Variants in SDC3 observed in about 807,000 individuals in gnomAD.
SDC3 encodes syndecan-3.
In SDC3, 13 loss-of-function variants were observed where a neutral mutation model predicts 24.4. The observed-to-expected ratio is 0.53, with a 90% CI of 0.35 to 0.85. The LOEUF (loss-of-function observed/expected upper bound fraction) is 0.85, where lower values mean the gene tolerates loss of function less well. SDC3 is among the 40% of genes least tolerant of loss of function. The pLI is 0.01. For missense variants in SDC3, 571 were observed against 584.5 expected (o/e 0.98, Z 0.24); for synonymous variants, 295 against 260.9 (o/e 1.13, Z -1.26).
intron 1 of SDC3, among the ~76,000 whole-genome samples, chr1:30,892,976 C>T (rs572985309): frequency 8.4e-4 from 128 of 152,294 alleles, no homozygotes; most frequent in African/African-American, 3.0e-3. Context: ...GTCACAGCAG[C>T]GTGGCCCCCT....
Position 30,869,562 on chromosome 1 carries a change from C to T in SDC3, c.*3649G>A, listed in dbSNP as rs200173223. 6.5e-6 allele frequency: 2 copies of T among 309,664 alleles called. No individual in the cohort carries two copies. Among genetic ancestry groups the T allele is most frequent in the Admixed American group, 5.6e-5 (1 of 17,782 alleles). 19.2% of individuals were successfully genotyped at this position (309,664 alleles called of 1,614,324 possible). ...AAAAAAAAAAAAAAAAAAAAAAAAA[C>T]AAAAACAAAACCAGTTCCTTCACAA... On this transcript the variant is annotated 3_prime_UTR_variant, in exon 5 of 5. Coordinates refer to ENST00000339394, the MANE Select transcript of SDC3 (RefSeq NM_014654.4).
chr1:30,876,199 C>A (rs887728180), intron 3 of SDC3, among the ~76,000 whole-genome samples: 2 of 152,162 alleles, frequency 1.3e-5, no homozygotes, highest in Admixed American at 6.5e-5. Context: ...GCCTGAGGTC[C>A]CGTGACTAGG....
chr1:30,869,650 T>C lies in SDC3; in HGVS notation c.*3561A>G. 1 of 398,460 alleles carries C rather than the reference T, an allele frequency of 2.5e-6. No individual in the cohort carries two copies. The highest frequency in any genetic ancestry group is 4.4e-6 in the Non-Finnish European group (1 of 226,048). The allele number at this position is 398,460 out of a possible 1,614,324, so 24.7% of individuals were successfully genotyped here. A position where few individuals can be genotyped will look rare whatever the true frequency, so the allele number is the denominator to read the frequency against. On this transcript the variant is annotated 3_prime_UTR_variant, in exon 5 of 5. Coordinates refer to ENST00000339394, the MANE Select transcript of SDC3 (RefSeq NM_014654.4). ...CTTGGTCTCTTTTTTCCACTGTCTT[T>C]TTCTTTTGTTTTTCTTATTTAAGGT...
intron 1 of SDC3, among the ~76,000 whole-genome samples, chr1:30,906,092 G>T (rs1459222701): frequency 6.6e-6 from 1 of 152,044 alleles, no homozygotes; most frequent in Non-Finnish European, 1.5e-5. Flanking sequence ...TCCCTGGCTG[G>T]GGCTCTTCTG....
Position 30,877,159 on chromosome 1 carries a change from T to C in SDC3, c.263A>G (p.Glu88Gly). ...LYSGSGSGYF[E>G]QESGIETAMR... ...GGCTGTCTCAATGCCCGACTCCTGC[T>C]CGAAGTCTGAGGGGGTGGGGGAGAG... Residue 88 changes from glutamate to glycine, a missense_variant, in exon 3 of 5, where the codon GAG (glutamate) becomes GGG (glycine). Around this residue, in one of 2 missense-constraint regions of SDC3, gnomAD observed 497 missense variants for 471.6 expected, o/e 1.05. Transcript: ENST00000339394. The C allele has an allele frequency of 6.2e-7, 1 of 1,613,484 alleles. No individual in the cohort carries two copies. The highest frequency in any genetic ancestry group is 8.5e-7 in the Non-Finnish European group (1 of 1,179,894).
chr1:30,870,708 C>T lies in SDC3; in HGVS notation c.*2503G>A, dbSNP rs1332025757. The T allele has an allele frequency of 6.6e-6, 1 of 152,486 alleles. No individual in the cohort carries two copies. Among genetic ancestry groups the T allele is most frequent in the Non-Finnish European group, 1.5e-5 (1 of 68,272 alleles). The allele number at this position is 152,486 out of a possible 1,614,324, so 9.4% of individuals were successfully genotyped here. A position where few individuals can be genotyped will look rare whatever the true frequency, so the allele number is the denominator to read the frequency against. ...AGAAGCCAGTGCCTGGAGCCCAAGCCCCAAATCAGAAGCCAACCCCTGGGA... is the reference window on the plus strand; with the variant it reads ...AGAAGCCAGTGCCTGGAGCCCAAGCTCCAAATCAGAAGCCAACCCCTGGGA... On this transcript the variant is annotated 3_prime_UTR_variant, in exon 5 of 5. Transcript: ENST00000339394.
At chr1:30,886,090 C>G (rs1446287444) in intron 1 of SDC3, among the ~76,000 whole-genome samples, 1 of 151,982 alleles carries the variant, frequency 6.6e-6, no homozygotes, top group African/African-American at 2.4e-5. Context: ...CCCAGCAGCA[C>G]CCCCCACACC....
In SDC3 at chr1:30,876,582, G is replaced by A; in HGVS notation, c.840C>T (p.Thr280=). The part of the protein sequence containing the change: ...IPERSTLPLG[T]TAPGPTEVAQ... Reference sequence around the variant, plus strand: ...CCACCTCTGTGGGTCCAGGGGCAGTGGTCCCCAGGGGCAGGGTGCTCCTCT... The same window carrying A: ...CCACCTCTGTGGGTCCAGGGGCAGTAGTCCCCAGGGGCAGGGTGCTCCTCT... The change falls in exon 3 of 5, where the codon ACC becomes ACT. Residue 280 remains threonine (T), a synonymous_variant. Coordinates refer to ENST00000339394, the MANE Select transcript of SDC3 (RefSeq NM_014654.4). The A allele has an allele frequency of 6.5e-7, 1 of 1,528,312 alleles. No homozygotes were observed. The highest frequency in any genetic ancestry group is 1.3e-5 in the South Asian group (1 of 78,436). The allele number at this position is 1,528,312 out of a possible 1,614,324, so 94.7% of individuals were successfully genotyped here.
At position 30,873,294 on chromosome 1, in the gene SDC3, C is replaced by T; in HGVS notation, c.1246G>A (p.Glu416Lys). ...LLIYRMKKKD[E>K]GSYTLEEPKQ... ...GGTTCCTCCAGCGTGTAGCTGCCCT[C>T]ATCCTTTTTCTTCATACGATAGATG... is the stretch of plus-strand genomic sequence containing the variant. Residue 416 changes from glutamate (E) to lysine (K), a missense_variant, in exon 5 of 5, where the codon GAG becomes AAG. Glu to Lys is a moderately conservative substitution (Grantham distance 56). Around this residue, in one of 2 missense-constraint regions of SDC3, gnomAD observed 74 missense variants for 112.9 expected, o/e 0.66. Coordinates refer to ENST00000339394, the MANE Select transcript of SDC3 (RefSeq NM_014654.4). The T allele has an allele frequency of 6.2e-7, 1 of 1,613,020 alleles. No homozygotes were observed. The highest frequency in any genetic ancestry group is 1.3e-5 in the African/African-American group (1 of 75,010).
At chr1:30,890,824 C>T (rs1352704482) in intron 1 of SDC3, among the ~76,000 whole-genome samples, 1 of 152,178 alleles carries the variant, frequency 6.6e-6, no homozygotes, top group Non-Finnish European at 1.5e-5. Context: ...CCCATTTGAA[C>T]ATCTTCTTAC....
intron 1 of SDC3, among the ~76,000 whole-genome samples, chr1:30,889,900 A>G (rs1639881129): frequency 1.3e-5 from 2 of 152,264 alleles, no homozygotes; most frequent in African/African-American, 2.4e-5. Flanking sequence ...CAAAAAAGGT[A>G]GCATTATTCA....
intron 1 of SDC3, among the ~76,000 whole-genome samples, chr1:30,893,461 T>A (rs1297039517): frequency 1.3e-5 from 2 of 151,930 alleles, no homozygotes; most frequent in Admixed American, 1.3e-4. Context: ...GCACTTCCAC[T>A]ACTATGACAA....
At chr1:30,905,998 CAGGTGACCCA>C (rs1638513042) in intron 1 of SDC3, among the ~76,000 whole-genome samples, 1 of 151,426 alleles carries the variant, frequency 6.6e-6, no homozygotes, top group Non-Finnish European at 1.5e-5. Flanking sequence ...CAAAGGCTGG[CAGGTGACCCA>C]AGGGTCATCA....
chr1:30,884,884 G>A (rs1209867535), intron 1 of SDC3, among the ~76,000 whole-genome samples: 4 of 152,074 alleles, frequency 2.6e-5, no homozygotes, highest in Admixed American at 6.6e-5. Flanking sequence ...AATAAATGAG[G>A]GTACAACCAT....
chr1:30,892,383 G>A (rs1639919389), intron 1 of SDC3, among the ~76,000 whole-genome samples: 1 of 152,088 alleles, frequency 6.6e-6, no homozygotes, highest in South Asian at 2.1e-4. Flanking sequence ...TCCCCTGTAG[G>A]AAGCTCCACC....
intron 3 of SDC3, among the ~76,000 whole-genome samples, chr1:30,875,880 C>T (rs1026007385): frequency 2.0e-5 from 3 of 152,176 alleles, no homozygotes; most frequent in Admixed American, 2.0e-4. Flanking sequence ...ACAGTGCTGC[C>T]CGTGGGGTGG....
At chr1:30,893,621 G>A (rs1201531181) in intron 1 of SDC3, among the ~76,000 whole-genome samples, 2 of 152,028 alleles carry the variant, frequency 1.3e-5, no homozygotes, top group Non-Finnish European at 2.9e-5. Flanking sequence ...TCTTGGTTGG[G>A]CATCATTTTC....
chr1:30,888,203 T>TAG (rs544178059), intron 1 of SDC3, among the ~76,000 whole-genome samples: 86 of 152,226 alleles, frequency 5.6e-4, no homozygotes, highest in Non-Finnish European at 1.0e-3. Flanking sequence ...GGCGACTTGC[T>TAG]AGAGGTCAGT....
rs1422968721 is a variant in SDC3 at position 30,872,984 on chromosome 1, G to GA, written c.*226dup. On this transcript the variant is annotated 3_prime_UTR_variant, in exon 5 of 5. Coordinates refer to ENST00000339394, the MANE Select transcript of SDC3 (RefSeq NM_014654.4). ...CCCAGACTGGTGGCAGGGATGAGGG[G>GA]AACAAGAGATGAGCTCGTAAGGGCA... 5 of 548,082 alleles carry GA rather than the reference G, an allele frequency of 9.1e-6. No homozygotes were observed. Among genetic ancestry groups the GA allele is most frequent in the African/African-American group, 5.7e-5 (3 of 52,972 alleles). 34.0% of individuals were successfully genotyped at this position (548,082 alleles called of 1,614,324 possible). A position where few individuals can be genotyped will look rare whatever the true frequency, so the allele number is the denominator to read the frequency against.
Sources: gnomAD v4.1 joint callset for allele counts (sites outside exome capture counted in the v4.1 genomes callset) on GRCh38, gnomAD v4.1.1 for gene constraint, gnomAD v4.1.1 regional missense constraint, MANE v1.5 for transcripts, NCBI Gene and HGNC (gene_info 2026-07-23, HGNC 2026-07-21) for gene names.